Variants in TTC29 observed in about 807,000 individuals in gnomAD.
TTC29 encodes the protein tetratricopeptide repeat protein 29.
TTC29 carries 49 observed loss-of-function variants against 58.1 expected under a neutral mutation model. That is an observed-to-expected ratio of 0.84 (90% CI 0.67 to 1.07). The LOEUF (loss-of-function observed/expected upper bound fraction) is 1.07, where lower values mean the gene tolerates loss of function less well. Among genes scored for constraint, TTC29 ranks in the 50% least tolerant of loss-of-function variants. TTC29 has a pLI of 0.00. For synonymous variants in TTC29, 209 were observed against 196.8 expected (o/e 1.06, Z -0.52); for missense variants, 582 against 555.6 (o/e 1.05, Z -0.48).
intron 8 of TTC29, among the ~76,000 whole-genome samples, chr4:146,853,188 G>A (rs191177994): frequency 3.9e-5 from 6 of 151,996 alleles, no homozygotes; most frequent in Admixed American, 2.0e-4. Flanking sequence ...TACGTTAATT[G>A]TAGAAAATGT....
At chr4:146,804,634 T>C (rs556495011) in intron 10 of TTC29, among the ~76,000 whole-genome samples, 28 of 152,136 alleles carry the variant, frequency 1.8e-4, no homozygotes, top group African/African-American at 6.5e-4. Context: ...TCCAACTGGG[T>C]GGAGCACACC....
chr4:146,818,004 A>G (rs1409127598), intron 10 of TTC29, among the ~76,000 whole-genome samples: 1 of 152,176 alleles, frequency 6.6e-6, no homozygotes, highest in Non-Finnish European at 1.5e-5. Flanking sequence ...AGGCATTACC[A>G]TTCAGGACAT....
rs754689684 is a variant in TTC29 at position 146,809,865 on chromosome 4, A to G, written c.1102-6180T>C. The stretch of plus-strand genomic sequence containing the variant: ...CAGAAGACAGGGTGGCAATTTCTCA[A>G]GAATCTAGAACCAGAAATACCATTT... On this transcript the variant is annotated intron_variant, in intron 10 of 12. Transcript: ENST00000325106. Among the ~76,000 whole-genome samples the G allele has an allele frequency of 1.3e-5, 2 of 149,910 alleles. 1 individual carries two copies. The highest frequency in any genetic ancestry group is 4.9e-5 in the African/African-American group (2 of 40,848).
intron 11 of TTC29, among the ~76,000 whole-genome samples, chr4:146,787,292 G>A (rs898175033): frequency 1.3e-5 from 2 of 152,106 alleles, no homozygotes; most frequent in Non-Finnish European, 2.9e-5. Context: ...TGGGACAAAT[G>A]AAAGAATTCT....
intron 11 of TTC29, among the ~76,000 whole-genome samples, chr4:146,712,330 T>A (rs1265463434): frequency 6.6e-6 from 1 of 152,166 alleles, no homozygotes; most frequent in Non-Finnish European, 1.5e-5. Context: ...ACGAAAGCTG[T>A]CCTTTGGGAA....
chr4:146,921,094 C>T (rs996771814), intron 4 of TTC29, among the ~76,000 whole-genome samples: 1 of 151,350 alleles, frequency 6.6e-6, no homozygotes, highest in Non-Finnish European at 1.5e-5. Flanking sequence ...CTTTAATTAC[C>T]GTTGCAAAGT....
chr4:146,861,232 T>C (rs1730212948), intron 8 of TTC29, among the ~76,000 whole-genome samples: 1 of 152,222 alleles, frequency 6.6e-6, no homozygotes, highest in Non-Finnish European at 1.5e-5. Flanking sequence ...CTGGTCCAAT[T>C]TTGCACAAGA....
intron 2 of TTC29, among the ~76,000 whole-genome samples, chr4:146,941,797 CT>C (rs1278503554): frequency 6.6e-6 from 1 of 152,158 alleles, no homozygotes; most frequent in Non-Finnish European, 1.5e-5. Flanking sequence ...CTGAGTTTTT[CT>C]TTCAGGTTAG....
intron 11 of TTC29, among the ~76,000 whole-genome samples, chr4:146,750,471 A>G (rs1319252434): frequency 6.6e-6 from 1 of 152,248 alleles, no homozygotes; most frequent in Non-Finnish European, 1.5e-5. Context: ...TTAATCACAT[A>G]TACATCTCTA....
rs886914314 is a variant in TTC29 at position 146,932,595 on chromosome 4, A to G, written c.176+4999T>C. Among the ~76,000 whole-genome samples, 7 of 152,308 alleles carry G rather than the reference A, an allele frequency of 4.6e-5. No homozygotes were observed. In the East Asian group the frequency reaches 9.6e-4, roughly 21 times the overall value. ...GTGCAAATCCAGAAGGTAGATTTGC[A>G]TATAAAAAGTATATTTGTAGTTCAT... On this transcript the variant is annotated intron_variant, in intron 4 of 12. Transcript: ENST00000325106.
In TTC29 at chr4:146,877,903, A is replaced by G. The variant is rs758612481; in HGVS notation, c.587-2975T>C. Among the ~76,000 whole-genome samples the G allele has an allele frequency of 3.4e-4, 52 of 152,272 alleles. No homozygotes were observed. The Middle Eastern group carries it at 0.01, about 30-fold the overall frequency. Reference sequence around the variant, plus strand: ...ATGAGAACTGATATCCATCTCCAAAATTTGATCTATATGGGGGCAGAAAGG... The same window carrying G: ...ATGAGAACTGATATCCATCTCCAAAGTTTGATCTATATGGGGGCAGAAAGG... On this transcript the variant is annotated intron_variant, in intron 6 of 12. Coordinates refer to ENST00000325106, the MANE Select transcript of TTC29 (RefSeq NM_031956.4).
chr4:146,716,955 G>C (rs1339323084), intron 11 of TTC29, among the ~76,000 whole-genome samples: 1 of 152,168 alleles, frequency 6.6e-6, no homozygotes, highest in Non-Finnish European at 1.5e-5. Flanking sequence ...CAAACCAGGA[G>C]CATTAACATT....
At chr4:146,853,765 T>C (rs2150187094) in intron 8 of TTC29, among the ~76,000 whole-genome samples, 1 of 152,250 alleles carries the variant, frequency 6.6e-6, no homozygotes, top group East Asian at 1.9e-4. Flanking sequence ...GCCAGGCACA[T>C]TACTTCTTTA....
intron 11 of TTC29, among the ~76,000 whole-genome samples, chr4:146,743,677 GA>G (rs1561081175): frequency 1.3e-5 from 2 of 152,144 alleles, no homozygotes; most frequent in South Asian, 4.1e-4. Context: ...AGATTGCTTT[GA>G]TTTCCTTCTG....
At chr4:146,757,754 GACAA>G (rs1289802598) in intron 11 of TTC29, among the ~76,000 whole-genome samples, 2 of 152,018 alleles carry the variant, frequency 1.3e-5, no homozygotes, top group African/African-American at 4.8e-5. Context: ...GTCTTTTTCA[GACAA>G]ACAAATGCTG....
chr4:146,733,518 C>A (rs919273822), intron 11 of TTC29, among the ~76,000 whole-genome samples: 1 of 152,018 alleles, frequency 6.6e-6, no homozygotes, highest in Non-Finnish European at 1.5e-5. Flanking sequence ...CTTTAAGAAG[C>A]ATATTTTAAA....
intron 4 of TTC29, among the ~76,000 whole-genome samples, chr4:146,928,690 A>G (rs73852787): frequency 0.075 from 11,390 of 152,032 alleles, 1,451 homozygotes; most frequent in African/African-American, 0.26. Flanking sequence ...CCGTCGGTAA[A>G]CTCTGATCTC....
chr4:146,731,665 A>G (rs1403161183), intron 11 of TTC29, among the ~76,000 whole-genome samples: 1 of 152,230 alleles, frequency 6.6e-6, no homozygotes, highest in Non-Finnish European at 1.5e-5. Context: ...TCTGGGTCCC[A>G]GAGAAAATGA....
intron 8 of TTC29, among the ~76,000 whole-genome samples, chr4:146,843,245 A>G (rs1478184336): frequency 6.6e-6 from 1 of 152,170 alleles, no homozygotes; most frequent in East Asian, 1.9e-4. Context: ...TAATAAAAAC[A>G]CTAATTCTTT....
Sources: allele counts gnomAD v4.1 joint callset (sites outside exome capture counted in the v4.1 genomes callset), GRCh38; gene constraint gnomAD v4.1.1; transcripts MANE v1.5; gene names NCBI Gene and HGNC (gene_info 2026-07-23, HGNC 2026-07-21).